Variants in ATXN2 observed in about 807,000 individuals in gnomAD.
The protein encoded by ATXN2 is ataxin-2.
A neutral mutation model predicts 138.6 loss-of-function variants in ATXN2; 37 were observed. The ratio of observed to expected loss-of-function variants is 0.27; its 90% CI spans 0.21 to 0.35. ATXN2 has a LOEUF of 0.35. Among genes scored for constraint, ATXN2 ranks in the 10% least tolerant of loss-of-function variants. ATXN2 has a pLI of 1.00. For missense variants in ATXN2, 1,216 were observed against 1,480.3 expected (o/e 0.82, Z 2.93); for synonymous variants, 549 against 543.7 (o/e 1.01, Z -0.13).
intron 1 of ATXN2, among the ~76,000 whole-genome samples, chr12:111,566,774 T>C (rs1883035221): frequency 6.6e-6 from 1 of 152,022 alleles, no homozygotes; most frequent in South Asian, 2.1e-4. Context: ...GTAGCTGGGA[T>C]TATAGGCGCC....
intron 3 of ATXN2, 45 bp from the exon 4 acceptor site, chr12:111,553,022 G>A (rs759432904): frequency 7.2e-6 from 9 of 1,241,910 alleles, no homozygotes; most frequent in Admixed American, 2.7e-5. Flanking sequence ...TATACTACCC[G>A]GTCACCAGGG....
At chr12:111,502,240 C>T (rs1425749675) in intron 14 of ATXN2, among the ~76,000 whole-genome samples, 3 of 152,186 alleles carry the variant, frequency 2.0e-5, no homozygotes, top group Admixed American at 6.5e-5. Context: ...GTCTTCACAA[C>T]AGCCCTATTT....
intron 18 of ATXN2, among the ~76,000 whole-genome samples, chr12:111,478,388 A>AGAGT (rs1318870098): frequency 2.6e-5 from 4 of 152,150 alleles, no homozygotes; most frequent in African/African-American, 9.7e-5. Flanking sequence ...CCTGGGCAAT[A>AGAGT]GAGTGAGATT....
chr12:111,497,579 A>C (rs1226324055), intron 14 of ATXN2, among the ~76,000 whole-genome samples: 1 of 152,096 alleles, frequency 6.6e-6, no homozygotes, highest in Non-Finnish European at 1.5e-5. Flanking sequence ...TACGCAAATC[A>C]ATAAACATGG....
chr12:111,485,972 T>C (rs753102456), intron 16 of ATXN2, 107 bp from the exon 17 acceptor site: 77 of 1,098,426 alleles, frequency 7.0e-5, no homozygotes, highest in Middle Eastern at 2.5e-4. Flanking sequence ...GCTTTAACTA[T>C]GTCCCTTTTA....
At chr12:111,588,608 C>A (rs995222914) in intron 1 of ATXN2, among the ~76,000 whole-genome samples, 1 of 150,102 alleles carries the variant, frequency 6.7e-6, no homozygotes, top group East Asian at 2.0e-4. Flanking sequence ...GGTGACAGAG[C>A]GAGACTCCGT....
chr12:111,550,386 C>T (rs1329287671), intron 5 of ATXN2, among the ~76,000 whole-genome samples: 4 of 152,048 alleles, frequency 2.6e-5, no homozygotes, highest in Non-Finnish European at 4.4e-5. Context: ...AATATCAATT[C>T]ATCATAAAAA....
intron 1 of ATXN2, among the ~76,000 whole-genome samples, chr12:111,564,622 C>T (rs542260282): frequency 2.0e-5 from 3 of 150,184 alleles, no homozygotes; most frequent in East Asian, 1.9e-4. Context: ...AACAGCAATA[C>T]AACAATTAAA....
chr12:111,557,216 A>T (rs1051881322), intron 1 of ATXN2, among the ~76,000 whole-genome samples: 2 of 152,220 alleles, frequency 1.3e-5, no homozygotes, highest in African/African-American at 2.4e-5. Context: ...AAAATTCAAA[A>T]CATTCAAGGA....
chr12:111,512,338 T>G (rs1166105917), intron 11 of ATXN2: 1 of 152,400 alleles, frequency 6.6e-6, no homozygotes, highest in African/African-American at 2.4e-5. Context: ...TTAAGTATTC[T>G]TTGTAAGCTC....
At chr12:111,595,750 A>T (rs1309112098) in intron 1 of ATXN2, among the ~76,000 whole-genome samples, 2 of 152,126 alleles carry the variant, frequency 1.3e-5, no homozygotes, top group Non-Finnish European at 2.9e-5. Flanking sequence ...AAAGGTAAAA[A>T]GCAAAAATAA....
chr12:111,567,054 G>A (rs998610617), intron 1 of ATXN2, among the ~76,000 whole-genome samples: 1 of 152,190 alleles, frequency 6.6e-6, no homozygotes, highest in Non-Finnish European at 1.5e-5. Flanking sequence ...GGGGTCAGAA[G>A]ATGTAACTGA....
intron 21 of ATXN2, 126 bp downstream of exon 21, chr12:111,464,536 T>C: frequency 6.6e-6 from 4 of 606,664 alleles, no homozygotes; most frequent in Non-Finnish European, 1.1e-5. Flanking sequence ...TTTATATATA[T>C]AAGTACTTTC....
intron 1 of ATXN2, among the ~76,000 whole-genome samples, chr12:111,571,956 G>T (rs994118357): frequency 6.8e-6 from 1 of 147,722 alleles, no homozygotes; most frequent in Non-Finnish European, 1.5e-5. Flanking sequence ...AGGTTGCAGT[G>T]AGCCAAGATT....
chr12:111,503,919 T>G (rs1448654111), intron 14 of ATXN2, among the ~76,000 whole-genome samples: 1 of 152,170 alleles, frequency 6.6e-6, no homozygotes, highest in African/African-American at 2.4e-5. Flanking sequence ...CCACTTCTTT[T>G]CTTCCTGGTA....
chr12:111,587,073 C>A (rs1186019979), intron 1 of ATXN2, among the ~76,000 whole-genome samples: 151 of 112,782 alleles, frequency 1.3e-3, no homozygotes, highest in East Asian at 6.0e-3. Flanking sequence ...CCATTTCTAC[C>A]AAAAAAAAAA....
At chr12:111,470,830 T>G in intron 18 of ATXN2, 88 bp from the exon 19 acceptor site, 1 of 1,414,216 alleles carries the variant, frequency 7.1e-7, no homozygotes, top group Non-Finnish European at 9.7e-7. Context: ...TCTGAATGAT[T>G]TGACCCTGAA....
At chr12:111,500,628 A>T (rs1274111668) in intron 14 of ATXN2, among the ~76,000 whole-genome samples, 3 of 152,242 alleles carry the variant, frequency 2.0e-5, no homozygotes, top group Admixed American at 2.0e-4. Flanking sequence ...CAACCCCAGC[A>T]CTTTGGGAGG....
intron 1 of ATXN2, among the ~76,000 whole-genome samples, chr12:111,556,230 T>G (rs1270055170): frequency 2.6e-5 from 4 of 152,030 alleles, no homozygotes; most frequent in Admixed American, 2.6e-4. Context: ...TAATAATAAT[T>G]ATAGCCAGGC....
Sources: gnomAD v4.1 joint callset for allele counts (sites outside exome capture counted in the v4.1 genomes callset) on GRCh38, gnomAD v4.1.1 for gene constraint, MANE v1.5 for transcripts, NCBI Gene and HGNC (gene_info 2026-07-23, HGNC 2026-07-21) for gene names.